The following ABRACL variants were observed in gnomAD, a reference collection of about 807,000 sequenced individuals.
ABRACL encodes costars family protein ABRACL.
ABRACL carries 4 observed loss-of-function variants against 7.0 expected under a neutral mutation model. The ratio of observed to expected loss-of-function variants is 0.57; its 90% confidence interval spans 0.28 to 1.30. ABRACL has a LOEUF of 1.30. Ranked by LOEUF, ABRACL falls within the 50% of genes most tolerant of loss-of-function variation. The probability of loss-of-function intolerance (pLI) is 0.10; values close to 1 mark genes in which losing one functional copy is unlikely to be tolerated. For synonymous variants in ABRACL, 30 were observed against 36.0 expected (o/e 0.83, Z 0.60); for missense variants, 104 against 97.3 (o/e 1.07, Z -0.29).
intron 1 of ABRACL, among the ~76,000 whole-genome samples, chr6:139,031,351 T>C (rs111265728): frequency 6.6e-6 from 1 of 152,244 alleles, no homozygotes; most frequent in Non-Finnish European, 1.5e-5. Context: ...TTACCCATCC[T>C]ACCCAGTAGA....
chr6:139,042,273 A>AT (rs11453102), intron 2 of ABRACL, among the ~76,000 whole-genome samples: 56,717 of 151,910 alleles, frequency 0.37, 10,966 homozygotes, highest in Non-Finnish European at 0.4. Context: ...ATGGCTGATG[A>AT]TTATACATTT....
chr6:139,037,171 G>A (rs1178641085), intron 2 of ABRACL, among the ~76,000 whole-genome samples: 1 of 152,144 alleles, frequency 6.6e-6, no homozygotes, highest in Non-Finnish European at 1.5e-5. Context: ...GGGCAGGTCA[G>A]TTTAGGGGGA....
intron 2 of ABRACL, chr6:139,034,655 G>A (rs1786128388): frequency 6.0e-6 from 2 of 331,014 alleles, no homozygotes; most frequent in Non-Finnish European, 1.1e-5. Flanking sequence ...AAATGACTAG[G>A]GATTTACATT....
At chr6:139,030,275 A>G (rs1269500305) in intron 1 of ABRACL, among the ~76,000 whole-genome samples, 1 of 151,772 alleles carries the variant, frequency 6.6e-6, no homozygotes, top group African/African-American at 2.4e-5. Context: ...TCTCTTCTTT[A>G]TGCTAGGAAC....
At chr6:139,029,541 C>T (rs1298939108) in intron 1 of ABRACL, among the ~76,000 whole-genome samples, 8 of 152,002 alleles carry the variant, frequency 5.3e-5, no homozygotes, top group African/African-American at 1.9e-4. Flanking sequence ...CCAGCGGTGC[C>T]GCCCCGCCAC....
intron 1 of ABRACL, among the ~76,000 whole-genome samples, chr6:139,030,625 T>C (rs1488578388): frequency 1.3e-5 from 2 of 152,244 alleles, no homozygotes; most frequent in African/African-American, 4.8e-5. Context: ...TTTATGGTGG[T>C]CTGGGCAGGG....
chr6:139,035,959 C>A (rs1431079852), intron 2 of ABRACL, among the ~76,000 whole-genome samples: 1 of 149,208 alleles, frequency 6.7e-6, no homozygotes, highest in Admixed American at 6.7e-5. Flanking sequence ...AAAAAATTAG[C>A]CAGGCATGCT....
Position 139,042,939 on chromosome 6 carries a change from G to C in ABRACL, c.*36G>C. 6.6e-6 allele frequency: 10 copies of C among 1,509,356 alleles called. No homozygotes were observed. The highest frequency in any genetic ancestry group is 8.9e-6 in the Non-Finnish European group (10 of 1,119,502). 93.5% of individuals were successfully genotyped at this position (1,509,356 alleles called of 1,614,324 possible). A position where few individuals can be genotyped will look rare whatever the true frequency, so the allele number is the denominator to read the frequency against. ...ATATCTTTATGTACTGCCATTTTTT[G>C]TTTCTGGTAAACTGGAATATAAAGT... On this transcript the variant is annotated 3_prime_UTR_variant, in exon 3 of 3. Transcript: ENST00000367660.
At chr6:139,029,574 C>G (rs1312561101) in intron 1 of ABRACL, among the ~76,000 whole-genome samples, 2 of 152,138 alleles carry the variant, frequency 1.3e-5, no homozygotes, top group Non-Finnish European at 2.9e-5. Context: ...CCCGCGCTCC[C>G]CAGCCCTGCA....
In ABRACL at chr6:139,028,792, C is replaced by G. The variant is rs2114290879; in HGVS notation, c.-90C>G. On this transcript the variant is annotated 5_prime_UTR_variant, in exon 1 of 3. Coordinates refer to ENST00000367660, the MANE Select transcript of ABRACL (RefSeq NM_021243.3). Reference sequence around the variant, plus strand: ...CAGCCACTTCCTTCCTTGGCCTCACCCTCCCCAGTGCACTGAAGAAGGTAA... The same window carrying G: ...CAGCCACTTCCTTCCTTGGCCTCACGCTCCCCAGTGCACTGAAGAAGGTAA... 1 of 153,066 alleles carries G rather than the reference C, an allele frequency of 6.5e-6. No individual in the cohort carries two copies. The highest frequency in any genetic ancestry group is 2.1e-4 in the South Asian group (1 of 4,850). 9.5% of individuals were successfully genotyped at this position (153,066 alleles called of 1,614,324 possible). A position where few individuals can be genotyped will look rare whatever the true frequency, so the allele number is the denominator to read the frequency against.
At chr6:139,036,106 C>T (rs1201266965) in intron 2 of ABRACL, among the ~76,000 whole-genome samples, 1 of 151,188 alleles carries the variant, frequency 6.6e-6, no homozygotes, top group African/African-American at 2.4e-5. Context: ...TTTGTCTCAA[C>T]AAACAAACAA....
intron 1 of ABRACL, 125 bp from the exon 2 acceptor site, chr6:139,034,030 G>T: frequency 7.7e-7 from 1 of 1,301,622 alleles, no homozygotes; most frequent in Non-Finnish European, 1.1e-6. Flanking sequence ...AATATTTTTA[G>T]GAAAAGGAAC....
chr6:139,029,427 C>T (rs1786044542), intron 1 of ABRACL, among the ~76,000 whole-genome samples: 1 of 151,908 alleles, frequency 6.6e-6, no homozygotes, highest in South Asian at 2.1e-4. Flanking sequence ...GGTGCTCGCT[C>T]TCGCGGCGCT....
intron 2 of ABRACL, among the ~76,000 whole-genome samples, chr6:139,035,762 T>C (rs1331046270): frequency 6.7e-6 from 1 of 149,580 alleles, no homozygotes; most frequent in East Asian, 2.1e-4. Context: ...GGTTTACAGG[T>C]GTGAGCCACC....
At chr6:139,040,866 C>G (rs1460856670) in intron 2 of ABRACL, among the ~76,000 whole-genome samples, 2 of 152,182 alleles carry the variant, frequency 1.3e-5, no homozygotes, top group Admixed American at 6.5e-5. Flanking sequence ...GCACACTCTC[C>G]CCATTTGTCT....
chr6:139,033,819 G>A (rs1043303500), intron 1 of ABRACL, among the ~76,000 whole-genome samples: 1 of 110,562 alleles, frequency 9.0e-6, no homozygotes, highest in Non-Finnish European at 2.1e-5. Flanking sequence ...TGTATTTTTG[G>A]TGCCTGGCAG....
chr6:139,043,098 C>G lies in ABRACL; in HGVS notation c.*195C>G, dbSNP rs1040349973. 1.2e-4 allele frequency: 50 copies of G among 401,486 alleles called. No homozygotes were observed. Among genetic ancestry groups the G allele is most frequent in the Non-Finnish European group, 2.0e-4 (47 of 238,076 alleles). The allele number at this position is 401,486 out of a possible 1,614,324, so 24.9% of individuals were successfully genotyped here. ...TATGTATGATGCTATAAAATAAATCCTATTATTTTTCTCAGGAATCTGGTT... is the reference window on the plus strand; with the variant it reads ...TATGTATGATGCTATAAAATAAATCGTATTATTTTTCTCAGGAATCTGGTT... On this transcript the variant is annotated 3_prime_UTR_variant, in exon 3 of 3. Coordinates refer to ENST00000367660, the MANE Select transcript of ABRACL (RefSeq NM_021243.3).
intron 2 of ABRACL, among the ~76,000 whole-genome samples, chr6:139,036,130 G>A (rs758146473): frequency 1.3e-5 from 2 of 151,286 alleles, no homozygotes; most frequent in Non-Finnish European, 2.9e-5. Flanking sequence ...TAAAAGAGAT[G>A]GAGTTTCACC....
In ABRACL at chr6:139,034,138, C is replaced by CT. The variant is rs1786120880; in HGVS notation, c.-6-10dup. Reference sequence around the variant, plus strand: ...ATGTAATGGTGATAATTTAGACTTCCTTTTTTTCTCTCCCAGGCAGCAATG... The same window carrying CT: ...ATGTAATGGTGATAATTTAGACTTCCTTTTTTTTCTCTCCCAGGCAGCAATG... On this transcript the variant is annotated splice_polypyrimidine_tract_variant and intron_variant, in intron 1 of 2. Transcript: ENST00000367660. The CT allele has an allele frequency of 1.2e-6, 2 of 1,614,114 alleles. No individual in the cohort carries two copies. The highest frequency in any genetic ancestry group is 8.5e-7 in the Non-Finnish European group (1 of 1,180,016).
Sources: gnomAD v4.1 joint callset for allele counts (sites outside exome capture counted in the v4.1 genomes callset) on GRCh38, gnomAD v4.1.1 for gene constraint, MANE v1.5 for transcripts, NCBI Gene and HGNC (gene_info 2026-07-23, HGNC 2026-07-21) for gene names.